Variants in DOCK3 observed in about 807,000 individuals in gnomAD.
DOCK3 encodes the protein dedicator of cytokinesis protein 3.
A neutral mutation model predicts 265.6 loss-of-function variants in DOCK3; 60 were observed. The ratio of observed to expected loss-of-function variants is 0.23; its 90% confidence interval spans 0.18 to 0.28. DOCK3 has a LOEUF of 0.28. Among genes scored for constraint, DOCK3 ranks in the 10% least tolerant of loss-of-function variants. The pLI is 1.00. For missense variants in DOCK3, 1,981 were observed against 2,594.3 expected, an observed-to-expected ratio of 0.76 and a Z score of 5.14; for synonymous variants, 881 against 938.0, an observed-to-expected ratio of 0.94 and a Z score of 1.11.
In DOCK3 at chr3:50,935,717, A is replaced by G. The variant is rs369218698; in HGVS notation, c.315+1640A>G. Among the ~76,000 whole-genome samples, 219 of 152,304 alleles carry G rather than the reference A, an allele frequency of 1.4e-3. 5 individuals are homozygous for G. In the South Asian group the frequency reaches 0.044, roughly 31 times the overall value. On this transcript the variant is annotated intron_variant, in intron 5 of 52. Transcript: ENST00000266037. ...CCACCCAAACTCAAACTGAGGAGATAGTAGGGTGAAGTTACGTCATCTACA... is the reference window on the plus strand; with the variant it reads ...CCACCCAAACTCAAACTGAGGAGATGGTAGGGTGAAGTTACGTCATCTACA...
intron 10 of DOCK3, among the ~76,000 whole-genome samples, chr3:51,149,771 C>T (rs919794237): frequency 6.6e-5 from 10 of 152,058 alleles, no homozygotes; most frequent in Admixed American, 3.3e-4. Context: ...TTTGCATCGA[C>T]GTTCATCAGG....
chr3:50,697,635 C>T (rs1047792363), intron 1 of DOCK3, among the ~76,000 whole-genome samples: 6 of 152,112 alleles, frequency 3.9e-5, no homozygotes, highest in South Asian at 4.1e-4. Context: ...AAAAATGAGC[C>T]GGGCACAACC....
chr3:50,711,171 A>G (rs2036740278), intron 1 of DOCK3, among the ~76,000 whole-genome samples: 1 of 151,938 alleles, frequency 6.6e-6, no homozygotes, highest in South Asian at 2.1e-4. Flanking sequence ...TTTGTCCTTT[A>G]TTAGTATTAC....
intron 4 of DOCK3, among the ~76,000 whole-genome samples, chr3:50,912,252 A>G (rs984392092): frequency 4.6e-5 from 7 of 152,086 alleles, no homozygotes; most frequent in Non-Finnish European, 7.3e-5. Context: ...CTGTATTACC[A>G]GGCAGAGACT....
chr3:51,247,400 T>G (rs1490397980), intron 22 of DOCK3, among the ~76,000 whole-genome samples: 2 of 152,234 alleles, frequency 1.3e-5, no homozygotes, highest in Admixed American at 1.3e-4. Context: ...CAGGGGACTG[T>G]TCTCATTTTG....
intron 27 of DOCK3, among the ~76,000 whole-genome samples, chr3:51,297,612 A>G (rs900771694): frequency 6.6e-6 from 1 of 152,134 alleles, no homozygotes; most frequent in African/African-American, 2.4e-5. Context: ...GGAAATGTAA[A>G]TTAAATCTAC....
chr3:50,946,402 T>C (rs1321289140), intron 5 of DOCK3, among the ~76,000 whole-genome samples: 1 of 152,250 alleles, frequency 6.6e-6, no homozygotes, highest in East Asian at 1.9e-4. Flanking sequence ...TCTCTCAATG[T>C]AATTAAAATT....
intron 33 of DOCK3, among the ~76,000 whole-genome samples, chr3:51,330,596 G>C (rs1560448565): frequency 6.6e-6 from 1 of 152,162 alleles, no homozygotes; most frequent in Non-Finnish European, 1.5e-5. Context: ...TTGAGAGACA[G>C]GTTCCTGTTT....
chr3:51,326,989 C>A (rs546851187), intron 32 of DOCK3, among the ~76,000 whole-genome samples: 6 of 152,224 alleles, frequency 3.9e-5, no homozygotes, highest in Middle Eastern at 3.4e-3. Context: ...AACATTTATT[C>A]TCATTTTCTT....
chr3:51,051,801 G>T (rs1260031025), intron 5 of DOCK3, among the ~76,000 whole-genome samples: 1 of 152,112 alleles, frequency 6.6e-6, no homozygotes, highest in East Asian at 1.9e-4. Context: ...AGGCCTCAGG[G>T]AGCTTTTACT....
At chr3:51,184,443 A>G (rs931667026) in intron 12 of DOCK3, among the ~76,000 whole-genome samples, 3 of 152,186 alleles carry the variant, frequency 2.0e-5, no homozygotes, top group Non-Finnish European at 4.4e-5. Context: ...ACATGCTCAA[A>G]ATTTTTTTAA....
intron 46 of DOCK3, among the ~76,000 whole-genome samples, chr3:51,358,814 C>T (rs1017611882): frequency 2.6e-5 from 4 of 152,192 alleles, no homozygotes; most frequent in Non-Finnish European, 5.9e-5. Flanking sequence ...ACTTATATTC[C>T]AGGACCAGTA....
At chr3:50,864,439 G>C (rs1285237475) in intron 3 of DOCK3, among the ~76,000 whole-genome samples, 1 of 152,066 alleles carries the variant, frequency 6.6e-6, no homozygotes, top group African/African-American at 2.4e-5. Context: ...AAGAACTTTA[G>C]TTTGATATAA....
At chr3:50,757,163 C>CT (rs34435343) in intron 1 of DOCK3, among the ~76,000 whole-genome samples, 69,331 of 81,620 alleles carry the variant, frequency 0.85, 30,336 homozygotes, top group East Asian at 0.92. Context: ...AGATTGTCGT[C>CT]TTTTTTTTTT....
At chr3:51,055,462 T>G (rs981516235) in intron 5 of DOCK3, among the ~76,000 whole-genome samples, 1 of 152,204 alleles carries the variant, frequency 6.6e-6, no homozygotes, top group Non-Finnish European at 1.5e-5. Flanking sequence ...AGCTTTCACC[T>G]TTAATGTTTG....
intron 1 of DOCK3, among the ~76,000 whole-genome samples, chr3:50,681,528 C>T (rs1357266098): frequency 1.3e-5 from 2 of 152,104 alleles, no homozygotes; most frequent in Admixed American, 6.6e-5. Flanking sequence ...TTTGCATACC[C>T]CCTTTTGACA....
At chr3:51,338,177 C>G (rs772251430) in intron 35 of DOCK3, among the ~76,000 whole-genome samples, 182 bp from the exon 36 acceptor site, 1 of 152,192 alleles carries the variant, frequency 6.6e-6, no homozygotes, top group African/African-American at 2.4e-5. Context: ...TCTTTGAGCC[C>G]TGAGAGTGGT....
intron 14 of DOCK3, among the ~76,000 whole-genome samples, chr3:51,224,135 G>A (rs1229791664): frequency 6.6e-6 from 1 of 152,186 alleles, no homozygotes; most frequent in Non-Finnish European, 1.5e-5. Context: ...CCTCAAGGTT[G>A]CTTGTTTAGG....
intron 1 of DOCK3, among the ~76,000 whole-genome samples, chr3:50,729,337 T>C (rs2038043260): frequency 7.5e-6 from 1 of 133,850 alleles, no homozygotes; most frequent in South Asian, 2.5e-4. Flanking sequence ...AAAAAAAAAG[T>C]TGTTTATTTT....
Sources: gnomAD v4.1 joint callset for allele counts (sites outside exome capture counted in the v4.1 genomes callset) on GRCh38, gnomAD v4.1.1 for gene constraint, MANE v1.5 for transcripts, NCBI Gene and HGNC (gene_info 2026-07-23, HGNC 2026-07-21) for gene names.